The following HELQ variants were observed in gnomAD, a reference collection of about 807,000 sequenced individuals.
HELQ encodes helicase, POLQ like, also known as helicase POLQ-like.
A neutral mutation model predicts 111.6 loss-of-function variants in HELQ; 77 were observed. The observed-to-expected ratio is 0.69, with a 90% confidence interval of 0.57 to 0.83. The LOEUF is 0.83. HELQ is among the 40% of genes least tolerant of loss of function. The pLI, the probability that HELQ is intolerant of heterozygous loss-of-function variation, is 0.00. For synonymous variants in HELQ, 438 were observed against 454.7 expected (o/e 0.96, Z 0.47); for missense variants, 1,200 against 1,288.5 (o/e 0.93, Z 1.05).
Position 83,443,621 on chromosome 4 carries a change from C to T in HELQ, c.1466-7G>A. On this transcript the variant is annotated splice_region_variant and splice_polypyrimidine_tract_variant and intron_variant, in intron 5 of 17. Transcript: ENST00000295488. ...CCAATAATTTGAGTCGTTTCTAAAA[C>T]ACAAACAAACAAAAGCCAAAGTGTT... 2 of 1,296,336 alleles carry T rather than the reference C, an allele frequency of 1.5e-6. No homozygotes were observed. The highest frequency in any genetic ancestry group is 2.2e-6 in the Non-Finnish European group (2 of 910,972). The allele number at this position is 1,296,336 out of a possible 1,614,324, so 80.3% of individuals were successfully genotyped here.
intron 11 of HELQ, among the ~76,000 whole-genome samples, chr4:83,431,359 T>C (rs1181110465): frequency 6.6e-6 from 1 of 152,028 alleles, no homozygotes; most frequent in Non-Finnish European, 1.5e-5. Context: ...GGTCTTGCTA[T>C]GTTGCCCAGG....
intron 15 of HELQ, 24 bp downstream of exon 15, chr4:83,421,539 A>G: frequency 6.3e-7 from 1 of 1,581,870 alleles, no homozygotes; most frequent in South Asian, 1.1e-5. Context: ...CACAAAGTAC[A>G]TATCATATAT....
At chr4:83,455,200 A>C in intron 1 of HELQ, 197 bp downstream of exon 1, 3 of 1,184,070 alleles carry the variant, frequency 2.5e-6, no homozygotes, top group South Asian at 3.4e-5. Flanking sequence ...TGCTGCGTGC[A>C]CAACTTTTAT....
At chr4:83,415,945 C>A (rs1486592411) in intron 17 of HELQ, among the ~76,000 whole-genome samples, 1 of 137,632 alleles carries the variant, frequency 7.3e-6, no homozygotes, top group African/African-American at 3.1e-5. Context: ...CCGAACCCAG[C>A]CATTTTTTTT....
intron 9 of HELQ, among the ~76,000 whole-genome samples, chr4:83,434,147 G>C (rs1720316887): frequency 6.6e-6 from 1 of 151,926 alleles, no homozygotes; most frequent in South Asian, 2.1e-4. Flanking sequence ...ACGGTGGGCA[G>C]ATCACCTGAG....
At chr4:83,448,497 C>A (rs1021759523) in intron 3 of HELQ, among the ~76,000 whole-genome samples, 2 of 151,980 alleles carry the variant, frequency 1.3e-5, no homozygotes, top group Non-Finnish European at 2.9e-5. Flanking sequence ...TGGTGAAACC[C>A]CGCCTCTACT....
chr4:83,413,746 C>G (rs1739223251), intron 17 of HELQ, among the ~76,000 whole-genome samples: 1 of 152,124 alleles, frequency 6.6e-6, no homozygotes, highest in Non-Finnish European at 1.5e-5. Context: ...CTGGACATTC[C>G]CTCTCAAAAC....
intron 6 of HELQ, among the ~76,000 whole-genome samples, chr4:83,442,798 T>C (rs1295375610): frequency 2.0e-5 from 3 of 152,112 alleles, no homozygotes; most frequent in African/African-American, 7.2e-5. Flanking sequence ...GCAATTCTCA[T>C]GCCCCGGCCT....
In HELQ at chr4:83,431,679, A is replaced by G. The variant is rs780583227; in HGVS notation, c.2280T>C (p.Ser760=). 2 of 1,543,080 alleles carry G rather than the reference A, an allele frequency of 1.3e-6. No homozygotes were observed. The highest frequency in any genetic ancestry group is 1.8e-6 in the Non-Finnish European group (2 of 1,139,804). The change falls in exon 11 of 18, where the codon TCT becomes TCC. Residue 760 remains serine, a synonymous_variant. Transcript: ENST00000295488. ...FTKGIQTLFL[S]LIGLKIATNL... is the part of the protein sequence containing the mutation. The stretch of plus-strand genomic sequence containing the variant: ...AGAAAAATACCTTCAAACCAATCAA[A>G]GAGAGAAATAATGTTTGGATTCCCT...
chr4:83,452,351 T>C (rs548945872), intron 2 of HELQ, among the ~76,000 whole-genome samples: 2 of 152,256 alleles, frequency 1.3e-5, no homozygotes, highest in South Asian at 2.1e-4. Context: ...AGCCAAAAGA[T>C]TGGACATCCC....
chr4:83,425,951 T>C, intron 14 of HELQ, 43 bp downstream of exon 14: 1 of 1,011,828 alleles, frequency 9.9e-7, no homozygotes, highest in East Asian at 2.4e-5. Context: ...GAACTAAGTG[T>C]TGAGTGAACT....
intron 17 of HELQ, among the ~76,000 whole-genome samples, chr4:83,415,926 T>G (rs1235731317): frequency 2.4e-5 from 3 of 126,206 alleles, no homozygotes; most frequent in Non-Finnish European, 1.7e-5. Context: ...GGATTATAGG[T>G]GTGAGCCACC....
chr4:83,411,756 T>C (rs958127149), intron 17 of HELQ, among the ~76,000 whole-genome samples: 6 of 151,924 alleles, frequency 3.9e-5, no homozygotes, highest in African/African-American at 1.2e-4. Context: ...GATCCTCCCA[T>C]TGCAGCCTCA....
At chr4:83,433,539 G>A (rs1166552809) in intron 9 of HELQ, among the ~76,000 whole-genome samples, 6 of 151,720 alleles carry the variant, frequency 4.0e-5, no homozygotes, top group African/African-American at 1.2e-4. Flanking sequence ...GGTGGCAGGC[G>A]CCTGTAGTCC....
chr4:83,451,934 G>GC (rs1248000362), intron 2 of HELQ, among the ~76,000 whole-genome samples: 3 of 152,144 alleles, frequency 2.0e-5, no homozygotes, highest in African/African-American at 7.2e-5. Context: ...TGTCTTCTCT[G>GC]CAAGAACCCA....
At chr4:83,443,174 T>A (rs1720865758) in intron 6 of HELQ, among the ~76,000 whole-genome samples, 1 of 152,000 alleles carries the variant, frequency 6.6e-6, no homozygotes, top group Non-Finnish European at 1.5e-5. Context: ...TGCCAATAAC[T>A]CAAAACATGT....
intron 9 of HELQ, among the ~76,000 whole-genome samples, chr4:83,436,042 T>C (rs1720438857): frequency 1.3e-5 from 2 of 152,136 alleles, no homozygotes. Context: ...ATTTATTGTA[T>C]TGATAAAAGG....
chr4:83,449,441 TTAAC>T (rs1337947054), intron 2 of HELQ, among the ~76,000 whole-genome samples: 2 of 152,168 alleles, frequency 1.3e-5, no homozygotes, highest in Non-Finnish European at 2.9e-5. Context: ...AATAAAAACT[TTAAC>T]TAGCTCTCAT....
rs910013788 is a variant in HELQ, at chr4:83,429,866, T to C, written c.2296-120A>G. 2.3e-5 allele frequency: 14 copies of C among 618,766 alleles called. No individual in the cohort carries two copies. In the Admixed American group the frequency reaches 2.9e-4, roughly 13 times the overall value. The allele number at this position is 618,766 out of a possible 1,614,324, so 38.3% of individuals were successfully genotyped here. On this transcript the variant is annotated intron_variant, in intron 11 of 17. Transcript: ENST00000295488. ...AAGCTATTTAAATAAAAAATTAGTA[T>C]TAAATCTACACAGTTGCATATATAA... is the stretch of plus-strand genomic sequence containing the variant.
Sources: allele counts gnomAD v4.1 joint callset (sites outside exome capture counted in the v4.1 genomes callset), GRCh38; gene constraint gnomAD v4.1.1; transcripts MANE v1.5; gene names NCBI Gene and HGNC (gene_info 2026-07-23, HGNC 2026-07-21).